The following PHF21B variants were observed in gnomAD, a reference collection of about 807,000 sequenced individuals.
PHF21B encodes PHD finger protein 4.
A neutral mutation model predicts 62.2 loss-of-function variants in PHF21B; 22 were observed. The ratio of observed to expected loss-of-function variants is 0.35; its 90% confidence interval spans 0.25 to 0.51. The LOEUF (loss-of-function observed/expected upper bound fraction) is 0.51. Ranked by LOEUF, PHF21B falls within the 20% of genes least tolerant of loss-of-function variation. PHF21B has a pLI of 0.97. For synonymous variants in PHF21B, 341 were observed against 314.7 expected, an observed-to-expected ratio of 1.08 and a Z score of -0.88; for missense variants, 701 against 707.9, an observed-to-expected ratio of 0.99 and a Z score of 0.11.
intron 2 of PHF21B, among the ~76,000 whole-genome samples, chr22:44,986,263 C>T (rs1299540111): frequency 1.3e-5 from 2 of 151,492 alleles, no homozygotes; most frequent in African/African-American, 4.9e-5. Flanking sequence ...ACCACCATCA[C>T]CAGCAGCACC....
chr22:44,933,015 T>C (rs1308183602), intron 2 of PHF21B, among the ~76,000 whole-genome samples: 1 of 152,202 alleles, frequency 6.6e-6, no homozygotes, highest in African/African-American at 2.4e-5. Flanking sequence ...AACAAGGCAC[T>C]CGCCAAGGAG....
chr22:44,980,314 C>G (rs1044576070), intron 2 of PHF21B, among the ~76,000 whole-genome samples: 5 of 152,170 alleles, frequency 3.3e-5, no homozygotes, highest in Non-Finnish European at 7.3e-5. Context: ...CTATCTACAC[C>G]TCAGACTGGC....
intron 2 of PHF21B, among the ~76,000 whole-genome samples, chr22:44,949,162 G>A (rs112808831): frequency 0.067 from 10,137 of 152,188 alleles, 399 homozygotes; most frequent in Middle Eastern, 0.14. Flanking sequence ...TTAGTTGGGT[G>A]TAGTGGCGCA....
chr22:45,008,197 C>G (rs1005966030), intron 2 of PHF21B: 1 of 209,712 alleles, frequency 4.8e-6, no homozygotes, highest in Non-Finnish European at 9.4e-6. Context: ...GGCCGCCCCC[C>G]TCCGCCCCCA....
chr22:44,931,410 C>T (rs2071738989), intron 2 of PHF21B, among the ~76,000 whole-genome samples: 1 of 152,184 alleles, frequency 6.6e-6, no homozygotes, highest in Admixed American at 6.5e-5. Context: ...AGGCAGGCTG[C>T]CCAGGGCCAC....
chr22:44,890,977 G>A lies in PHF21B; in HGVS notation c.1015+329C>T, dbSNP rs531684703. On this transcript the variant is annotated intron_variant, in intron 8 of 12. Transcript: ENST00000313237. The stretch of plus-strand genomic sequence containing the variant: ...CCCAGGGGTATCAGAGGCCGCCCGC[G>A]TGTGGGGAAGAGAGGTTGTCTCCAG... 6.6e-5 allele frequency among the ~76,000 whole-genome samples: 10 copies of A among 152,346 alleles called. 1 individual carries two copies. The South Asian group carries it at 1.0e-3, about 16-fold the overall frequency.
intron 3 of PHF21B, 31 bp from the exon 4 acceptor site, chr22:44,916,661 C>T (rs748357306): frequency 6.9e-6 from 11 of 1,589,142 alleles, no homozygotes; most frequent in South Asian, 2.2e-5. Context: ...TGTGGTCAGA[C>T]AGGCAGACAC....
At chr22:44,961,060 G>A (rs1260128904) in intron 2 of PHF21B, among the ~76,000 whole-genome samples, 5 of 146,096 alleles carry the variant, frequency 3.4e-5, no homozygotes, top group South Asian at 2.2e-4. Flanking sequence ...TGGTTCAAGC[G>A]ATTCTCATGC....
intron 5 of PHF21B, among the ~76,000 whole-genome samples, chr22:44,909,663 C>T (rs1194365450): frequency 6.6e-6 from 1 of 152,242 alleles, no homozygotes; most frequent in East Asian, 1.9e-4. Context: ...CTGTCTTCAC[C>T]CCCTACTGCA....
chr22:44,920,430 A>C lies in PHF21B; in HGVS notation c.181T>G (p.Leu61Val). Residue 61 changes from leucine (L) to valine (V), a missense_variant, in exon 3 of 13, where the codon TTG becomes GTG. Physicochemically the swap from Leu to Val is conservative, Grantham distance 32 (BLOSUM62 1). Coordinates refer to ENST00000313237, the MANE Select transcript of PHF21B (RefSeq NM_138415.5). ...AGCACTGCCGCTCCTTGCCCGGCCA[A>C]CCTCTGCAAGGAGCTGACCTGAGGA... is the stretch of plus-strand genomic sequence containing the variant. ...TGPQVSSLQR[L>V]AGQGAAVLPQ... 6.2e-7 allele frequency: 1 copy of C among 1,612,528 alleles called. No homozygotes were observed.
rs2073377238 is a variant in PHF21B, at chr22:45,008,941, G to A, written c.55-331C>T. 16 of 1,096,456 alleles carry A rather than the reference G, an allele frequency of 1.5e-5. No homozygotes were observed. The South Asian group carries it at 6.3e-4, about 43-fold the overall frequency. 67.9% of individuals were successfully genotyped at this position (1,096,456 alleles called of 1,614,324 possible). A position where few individuals can be genotyped will look rare whatever the true frequency, so the allele number is the denominator to read the frequency against. On this transcript the variant is annotated intron_variant, in intron 1 of 12. Transcript: ENST00000313237. The stretch of plus-strand genomic sequence containing the variant: ...GAGTGTGTGCCGGGGGAGGGGGGAG[G>A]AACAAAGAGCCAAGTAAACACGGCG...
chr22:44,973,713 T>C (rs1319401252), intron 2 of PHF21B, among the ~76,000 whole-genome samples: 1 of 152,106 alleles, frequency 6.6e-6, no homozygotes, highest in Non-Finnish European at 1.5e-5. Flanking sequence ...ACAACTAACA[T>C]ATACAGAGTA....
intron 2 of PHF21B, among the ~76,000 whole-genome samples, chr22:44,998,726 G>A (rs555840852): frequency 1.4e-4 from 21 of 152,240 alleles, no homozygotes; most frequent in South Asian, 8.3e-4. Flanking sequence ...GCTTTTCTAC[G>A]GCAATAATGT....
chr22:44,912,522 C>T (rs2147294316), intron 5 of PHF21B, among the ~76,000 whole-genome samples: 1 of 152,264 alleles, frequency 6.6e-6, no homozygotes, highest in Non-Finnish European at 1.5e-5. Context: ...GGGAGCTTCC[C>T]TACACAAGCT....
chr22:45,004,182 A>G (rs531260728), intron 2 of PHF21B, among the ~76,000 whole-genome samples: 8 of 152,236 alleles, frequency 5.3e-5, no homozygotes, highest in Non-Finnish European at 1.0e-4. Flanking sequence ...AGATCTGTCA[A>G]TATGCTAAAA....
At chr22:44,955,214 G>A (rs538518102) in intron 2 of PHF21B, among the ~76,000 whole-genome samples, 2 of 152,322 alleles carry the variant, frequency 1.3e-5, no homozygotes, top group Admixed American at 6.5e-5. Flanking sequence ...CCAGCACAGC[G>A]CCTGGGAGGA....
intron 7 of PHF21B, among the ~76,000 whole-genome samples, chr22:44,893,222 A>C (rs1412927757): frequency 1.3e-5 from 2 of 152,186 alleles, no homozygotes; most frequent in Non-Finnish European, 2.9e-5. Context: ...CCCACCAGAG[A>C]GCCTCTATTA....
At position 44,889,771 on chromosome 22, in the gene PHF21B, G is replaced by A; in HGVS notation, c.1027C>T (p.Pro343Ser). Residue 343 changes from proline (P) to serine (S), a missense_variant, in exon 9 of 13, where the codon CCC becomes TCC. Coordinates refer to ENST00000313237, the MANE Select transcript of PHF21B (RefSeq NM_138415.5). Reference sequence around the variant, plus strand: ...GAGGGGACACGTACCTTCCAGCAGGGGTCCTCATTGGCTAGCACAGGGAAG... The same window carrying A: ...GAGGGGACACGTACCTTCCAGCAGGAGTCCTCATTGGCTAGCACAGGGAAG... The part of the protein sequence containing the change: ...LFLTARANED[P>S]CWKNEITHDE... 3 of 1,564,854 alleles carry A rather than the reference G, an allele frequency of 1.9e-6. No homozygotes were observed. The highest frequency in any genetic ancestry group is 2.4e-5 in the East Asian group (1 of 41,396).
chr22:44,966,552 G>A (rs1418416929), intron 2 of PHF21B, among the ~76,000 whole-genome samples: 1 of 152,130 alleles, frequency 6.6e-6, no homozygotes, highest in East Asian at 1.9e-4. Context: ...CAGGCAGGGA[G>A]ACCACAGGTC....
Sources: allele counts gnomAD v4.1 joint callset (sites outside exome capture counted in the v4.1 genomes callset), GRCh38; gene constraint gnomAD v4.1.1; transcripts MANE v1.5; gene names NCBI Gene and HGNC (gene_info 2026-07-23, HGNC 2026-07-21).